The following TTC28 variants were observed in gnomAD, a reference collection of about 807,000 sequenced individuals.
TTC28 encodes the protein tetratricopeptide repeat protein 28.
TTC28 carries 61 observed loss-of-function variants against 198.0 expected under a neutral mutation model. That is an observed-to-expected ratio of 0.31 (90% CI 0.25 to 0.38). The LOEUF (loss-of-function observed/expected upper bound fraction) is 0.38, where lower values mean the gene tolerates loss of function less well. Among genes scored for constraint, TTC28 ranks in the 10% least tolerant of loss-of-function variants. The probability of loss-of-function intolerance (pLI) is 1.00; values close to 1 mark genes in which losing one functional copy is unlikely to be tolerated. For synonymous variants in TTC28, 1,171 were observed against 1,297.8 expected (o/e 0.90, Z 2.10); for missense variants, 2,678 against 3,164.0 (o/e 0.85, Z 3.69).
chr22:28,481,670 T>G (rs2048248526), intron 2 of TTC28, among the ~76,000 whole-genome samples: 2 of 152,234 alleles, frequency 1.3e-5, no homozygotes, highest in African/African-American at 4.8e-5. Flanking sequence ...CAAGCTTTTC[T>G]GCTTGATGAG....
intron 2 of TTC28, among the ~76,000 whole-genome samples, chr22:28,617,815 T>C (rs1027953722): frequency 6.6e-6 from 1 of 152,216 alleles, no homozygotes; most frequent in African/African-American, 2.4e-5. Context: ...GTTGCCATTG[T>C]TCTCCTGGCC....
At chr22:28,576,515 T>C (rs1224859174) in intron 2 of TTC28, among the ~76,000 whole-genome samples, 1 of 152,110 alleles carries the variant, frequency 6.6e-6, no homozygotes, top group Non-Finnish European at 1.5e-5. Flanking sequence ...AGTTTGGAAG[T>C]ACTCCTTCCT....
intron 2 of TTC28, among the ~76,000 whole-genome samples, chr22:28,359,950 C>G (rs1285397968): frequency 6.6e-6 from 1 of 152,044 alleles, no homozygotes; most frequent in African/African-American, 2.4e-5. Context: ...CTACTTTAAA[C>G]CTTCCCTACC....
chr22:28,101,338 A>C, intron 8 of TTC28, 58 bp from the exon 9 acceptor site: 1 of 1,374,062 alleles, frequency 7.3e-7, no homozygotes, highest in Non-Finnish European at 1.0e-6. Context: ...CCACTATCCT[A>C]AGGAGTCCTG....
Position 28,503,486 on chromosome 22 carries a change from T to C in TTC28, c.381+126066A>G, listed in dbSNP as rs148836977. On this transcript the variant is annotated intron_variant, in intron 2 of 22. Coordinates refer to ENST00000397906, the MANE Select transcript of TTC28 (RefSeq NM_001145418.2). ...AAGTTTGAAAACTAGCTTTACAACT[T>C]ACTAAGTAAATTTGAAAAACTCACT... Among the ~76,000 whole-genome samples, 8 of 152,332 alleles carry C rather than the reference T, an allele frequency of 5.3e-5. 1 individual carries two copies. The East Asian group carries it at 1.5e-3, about 29-fold the overall frequency.
intron 22 of TTC28, among the ~76,000 whole-genome samples, chr22:27,984,677 C>T (rs1937150951): frequency 6.6e-6 from 1 of 152,226 alleles, no homozygotes; most frequent in Non-Finnish European, 1.5e-5. Context: ...GCCCATTCCT[C>T]CTGCCACTTT....
chr22:28,336,958 C>T (rs1484885189), intron 2 of TTC28, among the ~76,000 whole-genome samples: 1 of 152,178 alleles, frequency 6.6e-6, no homozygotes, highest in East Asian at 1.9e-4. Flanking sequence ...ATCTTTCCTG[C>T]TTTCTCTTGT....
rs187550942 is a variant in TTC28, at chr22:28,340,537, T to G, written c.382-33894A>C. 4.0e-3 allele frequency among the ~76,000 whole-genome samples: 610 copies of G among 151,822 alleles called. 1 individual carries two copies. The highest frequency in any genetic ancestry group is 5.7e-3 in the Non-Finnish European group (388 of 67,946). On this transcript the variant is annotated intron_variant, in intron 2 of 22. Coordinates refer to ENST00000397906, the MANE Select transcript of TTC28 (RefSeq NM_001145418.2). ...GATAAGTAATCTGTCACCACCATCC[T>G]CCCAAAGCAGGGCAACCTTCTCCTT... is the stretch of plus-strand genomic sequence containing the variant.
At chr22:28,601,649 C>T (rs2050640008) in intron 2 of TTC28, among the ~76,000 whole-genome samples, 1 of 152,046 alleles carries the variant, frequency 6.6e-6, no homozygotes, top group Non-Finnish European at 1.5e-5. Flanking sequence ...GGTCCTGGAA[C>T]CAATCTCCCA....
At chr22:28,308,675 C>T (rs1035319267) in intron 2 of TTC28, among the ~76,000 whole-genome samples, 3 of 152,082 alleles carry the variant, frequency 2.0e-5, no homozygotes, top group African/African-American at 4.8e-5. Context: ...GGAGAAGGTG[C>T]ATGTTTTGTT....
chr22:28,556,101 G>A (rs374593201), intron 2 of TTC28, among the ~76,000 whole-genome samples: 3 of 151,944 alleles, frequency 2.0e-5, no homozygotes, highest in Non-Finnish European at 4.4e-5. Flanking sequence ...GCTCATGCCT[G>A]TAATCCCAGC....
At position 28,094,220 on chromosome 22, in the gene TTC28, G is replaced by A; in HGVS notation, c.3792C>T (p.Tyr1264=). 6.5e-7 allele frequency: 1 copy of A among 1,548,814 alleles called. No individual in the cohort carries two copies. Reference sequence around the variant, plus strand: ...AGTTTTCCACTGTGTTCTCACCCAGGTAGTGTTCATGAAACTTCACAATTC... The same window carrying A: ...AGTTTTCCACTGTGTTCTCACCCAGATAGTGTTCATGAAACTTCACAATTC... ...GAGIVKFHEH[Y]LGENTVENSS... The change falls in exon 12 of 23, where the codon TAC becomes TAT. Residue 1264 remains tyrosine, a synonymous_variant. Coordinates refer to ENST00000397906, the MANE Select transcript of TTC28 (RefSeq NM_001145418.2).
intron 2 of TTC28, among the ~76,000 whole-genome samples, chr22:28,456,841 T>C (rs1568955610): frequency 6.6e-6 from 1 of 152,256 alleles, no homozygotes; most frequent in East Asian, 1.9e-4. Flanking sequence ...CACAAAGTGC[T>C]GGGATTACAG....
At position 28,096,395 on chromosome 22, in the gene TTC28, T is replaced by G; in HGVS notation, c.3561A>C (p.Glu1187Asp). ...RVLVSLGHHD[E>D]ALAVAERGRT... ...GTCCCCTTTCTGCCACAGCCAGGGC[T>G]TCATCATGATGGCCTAGGAGACAAA... Residue 1187 changes from glutamate to aspartate, a missense_variant, in exon 11 of 23, where the codon GAA (glutamate) becomes GAC (aspartate). By Grantham distance (45) the Glu-to-Asp change is conservative. Coordinates refer to ENST00000397906, the MANE Select transcript of TTC28 (RefSeq NM_001145418.2). The G allele has an allele frequency of 6.4e-7, 1 of 1,551,334 alleles. No homozygotes were observed. Among genetic ancestry groups the G allele is most frequent in the East Asian group, 2.4e-5 (1 of 40,922 alleles).
At chr22:28,236,875 T>C (rs1266527495) in intron 5 of TTC28, among the ~76,000 whole-genome samples, 2 of 152,148 alleles carry the variant, frequency 1.3e-5, no homozygotes, top group African/African-American at 2.4e-5. Flanking sequence ...CTCTGAAAAA[T>C]AGGATAAAGA....
intron 2 of TTC28, among the ~76,000 whole-genome samples, chr22:28,509,823 T>TA (rs2048663969): frequency 1.3e-5 from 2 of 149,580 alleles, no homozygotes; most frequent in African/African-American, 2.4e-5. Flanking sequence ...ATAAACACAA[T>TA]AAAAAAATGA....
intron 1 of TTC28, among the ~76,000 whole-genome samples, chr22:28,657,571 A>G (rs1189342047): frequency 6.6e-6 from 1 of 152,212 alleles, no homozygotes; most frequent in African/African-American, 2.4e-5. Flanking sequence ...GATGTGTACA[A>G]TTTATTTTCT....
At chr22:28,443,997 A>G (rs2047664554) in intron 2 of TTC28, among the ~76,000 whole-genome samples, 1 of 152,216 alleles carries the variant, frequency 6.6e-6, no homozygotes, top group Non-Finnish European at 1.5e-5. Flanking sequence ...TTTACCCCCA[A>G]TGAACTTTAA....
chr22:28,120,235 T>C (rs1942748723), intron 6 of TTC28, among the ~76,000 whole-genome samples: 1 of 152,198 alleles, frequency 6.6e-6, no homozygotes, highest in South Asian at 2.1e-4. Context: ...GTCTCATAAA[T>C]CTAACTGCTT....
Sources: allele counts gnomAD v4.1 joint callset (sites outside exome capture counted in the v4.1 genomes callset), GRCh38; gene constraint gnomAD v4.1.1; transcripts MANE v1.5; gene names NCBI Gene and HGNC (gene_info 2026-07-23, HGNC 2026-07-21).